SPATA17: variants seen among roughly 807,000 people sequenced by gnomAD.
The protein encoded by SPATA17 is spermatogenesis-associated protein 17.
A neutral mutation model predicts 62.2 loss-of-function variants in SPATA17; 53 were observed. The observed-to-expected ratio is 0.85, with a 90% confidence interval of 0.68 to 1.07. The LOEUF (loss-of-function observed/expected upper bound fraction) is 1.07. Ranked by LOEUF, SPATA17 falls within the 50% of genes least tolerant of loss-of-function variation. The pLI is 0.00. For missense variants in SPATA17, 466 were observed against 425.5 expected (o/e 1.10, Z -0.84); for synonymous variants, 146 against 146.8 (o/e 0.99, Z 0.04).
At chr1:217,749,943 T>TTCTCTCTCTC (rs1188300100) in intron 6 of SPATA17, among the ~76,000 whole-genome samples, 36 of 41,454 alleles carry the variant, frequency 8.7e-4, no homozygotes, top group East Asian at 1.7e-3. Context: ...TGTCATAAGA[T>TTCTCTCTCTC]TCTCTCTCTC....
At chr1:217,707,457 A>C (rs997213166) in intron 5 of SPATA17, among the ~76,000 whole-genome samples, 20 of 152,128 alleles carry the variant, frequency 1.3e-4, no homozygotes, top group Non-Finnish European at 2.4e-4. Context: ...GACTTCCAGT[A>C]CTATGTTGAG....
intron 5 of SPATA17, chr1:217,739,498 G>A (rs1038210808): frequency 2.0e-5 from 3 of 151,858 alleles, no homozygotes. Context: ...ATAGAAATGA[G>A]AAAATACATC....
intron 9 of SPATA17, among the ~76,000 whole-genome samples, chr1:217,852,918 A>G (rs537649427): frequency 1.5e-4 from 23 of 152,076 alleles, no homozygotes; most frequent in Non-Finnish European, 2.4e-4. Context: ...GTCCTTCTCC[A>G]CTACCCTGTC....
In SPATA17 at chr1:217,683,313, A is replaced by G; in HGVS notation, c.347A>G (p.Tyr116Cys). The G allele has an allele frequency of 1.2e-6, 2 of 1,610,340 alleles. No individual in the cohort carries two copies. Among genetic ancestry groups the G allele is most frequent in the Non-Finnish European group, 1.7e-6 (2 of 1,178,256 alleles). Residue 116 changes from tyrosine to cysteine, a missense_variant, in exon 5 of 11, where the codon TAT becomes TGT. Transcript: ENST00000366933. ...RVRKYLFNYY[Y>C]LKEYLKVVSE... The stretch of plus-strand genomic sequence containing the variant: ...CGGAAGTACCTCTTTAATTATTATT[A>G]TTTGAAAGAGTACCTGAAAGTCGTT...
chr1:217,765,147 G>T (rs974716717), intron 6 of SPATA17, among the ~76,000 whole-genome samples: 3 of 151,354 alleles, frequency 2.0e-5, no homozygotes, highest in African/African-American at 7.3e-5. Flanking sequence ...TTAGTAATTT[G>T]CATCTTCTTT....
At chr1:217,727,266 A>AATAATG (rs1672285339) in intron 5 of SPATA17, among the ~76,000 whole-genome samples, 1 of 148,656 alleles carries the variant, frequency 6.7e-6, no homozygotes, top group African/African-American at 2.5e-5. Context: ...TAATAATAAT[A>AATAATG]ATAATAATAA....
At chr1:217,787,074 A>G (rs1416196687) in intron 8 of SPATA17, among the ~76,000 whole-genome samples, 2 of 152,016 alleles carry the variant, frequency 1.3e-5, no homozygotes, top group African/African-American at 4.8e-5. Flanking sequence ...CTCCTCCAGC[A>G]TCATCCATAT....
intron 9 of SPATA17, among the ~76,000 whole-genome samples, chr1:217,822,711 T>G (rs1335983842): frequency 6.7e-6 from 1 of 149,808 alleles, no homozygotes; most frequent in South Asian, 2.1e-4. Context: ...TTATATACTT[T>G]TATTAGAACT....
intron 9 of SPATA17, chr1:217,850,527 A>G: frequency 1.3e-6 from 2 of 1,580,530 alleles, no homozygotes; most frequent in Non-Finnish European, 1.7e-6. Context: ...GTCGGGGAGG[A>G]TGCCTTCCTT....
At position 217,796,013 on chromosome 1, in the gene SPATA17, G is replaced by A. The variant is rs533465619; in HGVS notation, c.873-5705G>A. ...GGGTTTCACCACGTTGCCGAAGCTG[G>A]TCTCAAACTCCTGGGCTCAAGTGAT... On this transcript the variant is annotated intron_variant, in intron 8 of 10. Coordinates refer to ENST00000366933, the MANE Select transcript of SPATA17 (RefSeq NM_138796.4). Among the ~76,000 whole-genome samples the A allele has an allele frequency of 2.6e-5, 4 of 151,784 alleles. No homozygotes were observed. The South Asian group carries it at 6.3e-4, about 24-fold the overall frequency.
intron 5 of SPATA17, among the ~76,000 whole-genome samples, chr1:217,686,658 A>G (rs564313956): frequency 6.6e-6 from 1 of 152,366 alleles, no homozygotes; most frequent in Non-Finnish European, 1.5e-5. Context: ...CAGATAATGT[A>G]AAAGAAACTA....
intron 5 of SPATA17, among the ~76,000 whole-genome samples, chr1:217,700,762 C>CTTTTTTTTTTTTTTTT (rs71556698): frequency 7.4e-6 from 1 of 134,822 alleles, no homozygotes. Flanking sequence ...TTTTCTTTTT[C>CTTTTTTTTTTTTTTTT]TTTTTTTTTT....
At chr1:217,689,099 A>G (rs1671290119) in intron 5 of SPATA17, among the ~76,000 whole-genome samples, 1 of 152,098 alleles carries the variant, frequency 6.6e-6, no homozygotes, top group Non-Finnish European at 1.5e-5. Flanking sequence ...GTCAGGTACT[A>G]GGTTAAATGT....
intron 5 of SPATA17, among the ~76,000 whole-genome samples, chr1:217,689,262 G>C (rs906446135): frequency 1.7e-5 from 2 of 116,858 alleles, no homozygotes; most frequent in African/African-American, 3.3e-5. Flanking sequence ...GTCTCGCTCT[G>C]TCTCCCAGGC....
rs573270923 is a variant in SPATA17 at position 217,771,822 on chromosome 1, A to G, written c.520-2512A>G. 3.7e-3 allele frequency among the ~76,000 whole-genome samples: 535 copies of G among 143,250 alleles called. 8 individuals carry two copies. The highest frequency in any genetic ancestry group is 0.013 in the African/African-American group (508 of 38,306). 94.0% of individuals were successfully genotyped at this position (143,250 alleles called of 152,430 possible). ...TCCATTTGCATTTCCCATCTAGCCT[A>G]TGTATACACGTGCATGCAAATGTGC... On this transcript the variant is annotated intron_variant, in intron 6 of 10. Coordinates refer to ENST00000366933, the MANE Select transcript of SPATA17 (RefSeq NM_138796.4).
chr1:217,772,225 G>T (rs908731045), intron 6 of SPATA17, among the ~76,000 whole-genome samples: 1 of 151,904 alleles, frequency 6.6e-6, no homozygotes, highest in Admixed American at 6.6e-5. Context: ...GAAAGCTATT[G>T]TCTGTGTATT....
intron 8 of SPATA17, among the ~76,000 whole-genome samples, chr1:217,797,619 G>A (rs17675740): frequency 0.05 from 7,582 of 152,180 alleles, 241 homozygotes; most frequent in South Asian, 0.072. Flanking sequence ...TTGAGCAGGT[G>A]TACTTTTATA....
rs180684583 is a variant in SPATA17, at chr1:217,744,854, A to G, written c.519+2756A>G. On this transcript the variant is annotated intron_variant, in intron 6 of 10. Coordinates refer to ENST00000366933, the MANE Select transcript of SPATA17 (RefSeq NM_138796.4). ...CTCTGCTTCCGTCTGCATTTGTGGG[A>G]TAATGAAACCCACCTTGGAAGAATG... Among the ~76,000 whole-genome samples the G allele has an allele frequency of 3.9e-4, 60 of 152,298 alleles. 1 individual carries two copies. The East Asian group carries it at 0.011, about 28-fold the overall frequency.
At chr1:217,797,342 C>T (rs1168980996) in intron 8 of SPATA17, among the ~76,000 whole-genome samples, 4 of 149,282 alleles carry the variant, frequency 2.7e-5, no homozygotes, top group East Asian at 2.0e-4. Flanking sequence ...CTCCACCTCC[C>T]GGGTTCAGAT....
Sources: gnomAD v4.1 joint callset for allele counts (sites outside exome capture counted in the v4.1 genomes callset) on GRCh38, gnomAD v4.1.1 for gene constraint, MANE v1.5 for transcripts, NCBI Gene and HGNC (gene_info 2026-07-23, HGNC 2026-07-21) for gene names.